The following WDR1 variants were observed in gnomAD, a reference collection of about 807,000 sequenced individuals.
The protein encoded by WDR1 is WD repeat-containing protein 1.
WDR1 carries 21 observed loss-of-function variants against 71.9 expected under a neutral mutation model. The observed-to-expected ratio is 0.29, with a 90% CI of 0.21 to 0.42. The LOEUF (loss-of-function observed/expected upper bound fraction) is 0.42, where lower values mean the gene tolerates loss of function less well. Among genes scored for constraint, WDR1 ranks in the 10% least tolerant of loss-of-function variants. The pLI is 1.00. For synonymous variants in WDR1, 424 were observed against 347.4 expected, an observed-to-expected ratio of 1.22 and a Z score of -2.45; for missense variants, 696 against 824.5, an observed-to-expected ratio of 0.84 and a Z score of 1.91.
At position 10,080,109 on chromosome 4, in the gene WDR1, T is replaced by C. The variant is rs781184927; in HGVS notation, c.1285-1108A>G. 2.0e-5 allele frequency among the ~76,000 whole-genome samples: 3 copies of C among 152,162 alleles called. No homozygotes were observed. In the East Asian group the frequency reaches 5.8e-4, roughly 29 times the overall value. On this transcript the variant is annotated intron_variant, in intron 11 of 14. Transcript: ENST00000499869. ...TGAGGAGGTGCAGAGACCTGGAGCC[T>C]GTCCCCTGCACACCACAACCCTACC...
chr4:10,103,847 G>A (rs376251276), intron 3 of WDR1, 49 bp downstream of exon 3: 43 of 1,336,930 alleles, frequency 3.2e-5, no homozygotes, highest in Middle Eastern at 5.2e-4. Flanking sequence ...GGCCCTGAGC[G>A]CCACCCAGGC....
At chr4:10,086,796 C>T (rs1471167824) in intron 8 of WDR1, among the ~76,000 whole-genome samples, 2 of 152,218 alleles carry the variant, frequency 1.3e-5, no homozygotes, top group African/African-American at 4.8e-5. Flanking sequence ...CTTGATATTA[C>T]AGCTTAGAAT....
intron 2 of WDR1, among the ~76,000 whole-genome samples, chr4:10,113,800 G>A (rs754540004): frequency 9.9e-5 from 15 of 152,278 alleles, no homozygotes; most frequent in Non-Finnish European, 2.2e-4. Flanking sequence ...TAGCGAAGCA[G>A]AGAGTGAAAC....
At chr4:10,079,926 AC>A (rs1198594521) in intron 11 of WDR1, among the ~76,000 whole-genome samples, 1 of 152,122 alleles carries the variant, frequency 6.6e-6, no homozygotes, top group Non-Finnish European at 1.5e-5. Context: ...TGAGACTTGA[AC>A]CTGGTTGTTT....
Position 10,075,242 on chromosome 4 carries a change from C to A in WDR1, c.*136G>T. The A allele has an allele frequency of 1.4e-6, 1 of 707,220 alleles. No individual in the cohort carries two copies. Among genetic ancestry groups the A allele is most frequent in the South Asian group, 1.7e-5 (1 of 59,144 alleles). The allele number at this position is 707,220 out of a possible 1,614,324, so 43.8% of individuals were successfully genotyped here. On this transcript the variant is annotated 3_prime_UTR_variant, in exon 15 of 15. Transcript: ENST00000499869. Reference sequence around the variant, plus strand: ...ACAGACACCCTGCAGAGACGAGGGTCATGACTGGGCCCTCCTGCCTCTTGT... The same window carrying A: ...ACAGACACCCTGCAGAGACGAGGGTAATGACTGGGCCCTCCTGCCTCTTGT...
intron 2 of WDR1, among the ~76,000 whole-genome samples, chr4:10,107,492 C>T (rs1713092056): frequency 6.6e-6 from 1 of 152,208 alleles, no homozygotes; most frequent in African/African-American, 2.4e-5. Flanking sequence ...CAGGCTTCAG[C>T]CCACTCGTCG....
At chr4:10,085,301 CAT>C (rs1022601263) in intron 8 of WDR1, among the ~76,000 whole-genome samples, 11 of 152,270 alleles carry the variant, frequency 7.2e-5, no homozygotes, top group Admixed American at 4.6e-4. Flanking sequence ...TGGTATGCCA[CAT>C]GTTGCCACAA....
At chr4:10,090,482 C>T (rs1307662704) in intron 5 of WDR1, among the ~76,000 whole-genome samples, 1 of 152,212 alleles carries the variant, frequency 6.6e-6, no homozygotes, top group Non-Finnish European at 1.5e-5. Context: ...GAGGCCACTC[C>T]CCGCCCCAGA....
intron 2 of WDR1, among the ~76,000 whole-genome samples, chr4:10,114,556 T>G (rs1442148054): frequency 6.6e-6 from 1 of 152,238 alleles, no homozygotes; most frequent in Admixed American, 6.5e-5. Flanking sequence ...AGGGAAGGCC[T>G]GGTTAGGGGC....
chr4:10,116,602 G>A lies in WDR1; in HGVS notation c.16+49C>T, dbSNP rs1054018792. 5.9e-6 allele frequency: 7 copies of A among 1,178,492 alleles called. No individual in the cohort carries two copies. In the East Asian group the frequency reaches 1.9e-4, roughly 31 times the overall value. The allele number at this position is 1,178,492 out of a possible 1,614,324, so 73.0% of individuals were successfully genotyped here. On this transcript the variant is annotated intron_variant, in intron 1 of 14. Coordinates refer to ENST00000499869, the MANE Select transcript of WDR1 (RefSeq NM_017491.5). The stretch of plus-strand genomic sequence containing the variant: ...CGGCGCCTAGGGGCCGGGGACCGGG[G>A]CCGGGGCAGCGCGGCGGCCGCTCGG...
At chr4:10,083,266 C>T in intron 9 of WDR1, 88 bp from the exon 10 acceptor site, 2 of 1,463,054 alleles carry the variant, frequency 1.4e-6, no homozygotes, top group East Asian at 2.4e-5. Flanking sequence ...CCATTTACAT[C>T]AAGAATGAGA....
chr4:10,113,692 G>A (rs995142714), intron 2 of WDR1, among the ~76,000 whole-genome samples: 4 of 152,252 alleles, frequency 2.6e-5, no homozygotes, highest in African/African-American at 4.8e-5. Flanking sequence ...TAGCTTAGTC[G>A]TGGGTGGAGG....
intron 2 of WDR1, among the ~76,000 whole-genome samples, chr4:10,112,042 T>C (rs1200630566): frequency 1.3e-5 from 2 of 152,106 alleles, no homozygotes; most frequent in African/African-American, 4.8e-5. Flanking sequence ...AGGGCCTCTG[T>C]TGTGAGGCAA....
At chr4:10,079,048 C>T (rs771940130) in intron 11 of WDR1, 47 bp from the exon 12 acceptor site, 3 of 1,491,548 alleles carry the variant, frequency 2.0e-6, no homozygotes, top group Non-Finnish European at 2.7e-6. Context: ...CCCTTCGGGA[C>T]AAAACCCTCA....
At chr4:10,092,410 C>T (rs576196589) in intron 5 of WDR1, 1 of 152,796 alleles carries the variant, frequency 6.5e-6, no homozygotes, top group African/African-American at 2.4e-5. Context: ...GTTCCAGGTC[C>T]CAGAAGCGAG....
chr4:10,078,816 T>A, intron 12 of WDR1, 75 bp downstream of exon 12: 1 of 1,290,024 alleles, frequency 7.8e-7, no homozygotes. Context: ...GCCCCGGTAC[T>A]CACACAGCTC....
In WDR1 at chr4:10,087,761, C is replaced by T. The variant is rs1300067352; in HGVS notation, c.897G>A (p.Gly299=). The T allele has an allele frequency of 3.1e-6, 5 of 1,602,690 alleles. No homozygotes were observed. The highest frequency in any genetic ancestry group is 4.3e-6 in the Non-Finnish European group (5 of 1,174,506). ...TGTTTCTGTCCAGATAGTTGATGTACCCGGACAGGGAGACACTGAGCAGGT... is the reference window on the plus strand; with the variant it reads ...TGTTTCTGTCCAGATAGTTGATGTATCCGGACAGGGAGACACTGAGCAGGT... ...KDHLLSVSLS[G]YINYLDRNNP... The change falls in exon 8 of 15, where the codon GGG becomes GGA. Residue 299 remains glycine, a synonymous_variant. Transcript: ENST00000499869.
intron 2 of WDR1, among the ~76,000 whole-genome samples, chr4:10,105,067 G>C (rs1443147317): frequency 6.6e-6 from 1 of 152,106 alleles, no homozygotes; most frequent in Non-Finnish European, 1.5e-5. Flanking sequence ...TGTGTAGTCT[G>C]TGCCCTTGGC....
intron 11 of WDR1, among the ~76,000 whole-genome samples, chr4:10,079,768 G>A (rs1764944047): frequency 6.6e-6 from 1 of 152,176 alleles, no homozygotes; most frequent in African/African-American, 2.4e-5. Flanking sequence ...GTGGATTGTG[G>A]GTGGATCGCG....
Sources: allele counts gnomAD v4.1 joint callset (sites outside exome capture counted in the v4.1 genomes callset), GRCh38; gene constraint gnomAD v4.1.1; transcripts MANE v1.5; gene names NCBI Gene and HGNC (gene_info 2026-07-23, HGNC 2026-07-21).